The following GAK variants were observed in gnomAD, a reference collection of about 807,000 sequenced individuals.
GAK encodes cyclin-G-associated kinase.
In GAK, 79 loss-of-function variants were observed where a neutral mutation model predicts 143.9. That is an observed-to-expected ratio of 0.55 (90% CI 0.46 to 0.66). The LOEUF is 0.66. Ranked by LOEUF, GAK falls within the 30% of genes least tolerant of loss-of-function variation. GAK has a pLI of 0.00. For synonymous variants in GAK, 881 were observed against 765.5 expected (o/e 1.15, Z -2.49); for missense variants, 1,693 against 1,779.7 (o/e 0.95, Z 0.88).
In GAK at chr4:877,745, G is replaced by A; in HGVS notation, c.1726C>T (p.Leu576=). 5 of 1,613,288 alleles carry A rather than the reference G, an allele frequency of 3.1e-6. No individual in the cohort carries two copies. Among genetic ancestry groups the A allele is most frequent in the Non-Finnish European group, 4.2e-6 (5 of 1,179,842 alleles). ...EPITPHSKPI[L]VRAVVMTPVP... The stretch of plus-strand genomic sequence containing the variant: ...GGTGTCATGACCACGGCCCTCACCA[G>A]GATGGGCTTGCTGTGGGGTGTGATG... The change falls in exon 16 of 28, where the codon CTG becomes TTG. Residue 576 remains leucine, a synonymous_variant. Coordinates refer to ENST00000314167, the MANE Select transcript of GAK (RefSeq NM_005255.4).
chr4:902,498 A>T (rs1720056114), intron 5 of GAK, among the ~76,000 whole-genome samples: 2 of 146,480 alleles, frequency 1.4e-5, no homozygotes, highest in South Asian at 4.5e-4. Context: ...GCTACTCAGG[A>T]GGCTCAGGTG....
chr4:884,940 G>A (rs781187256), intron 11 of GAK, among the ~76,000 whole-genome samples: 12 of 152,318 alleles, frequency 7.9e-5, no homozygotes, highest in Admixed American at 1.3e-4. Flanking sequence ...CCGAACCATC[G>A]CCTGAAAGTG....
chr4:874,295 G>C (rs1007583695), intron 18 of GAK, among the ~76,000 whole-genome samples: 1 of 152,170 alleles, frequency 6.6e-6, no homozygotes, highest in Non-Finnish European at 1.5e-5. Context: ...AGCTGGTGCT[G>C]GTGTCATTTC....
rs1577023708 is a variant in GAK, at chr4:851,882, C to T, written c.3376G>A (p.Ala1126Thr). ...TGAGGGGGCCATGAGGCGCCCTGGG[C>T]TGGCGGCCGACTTGTCTGCCAGGAG... Reference protein sequence around the residue: ...SSSWQTSRPPAQGASWPPQAK... With the variant: ...SSSWQTSRPPTQGASWPPQAK... Residue 1126 changes from alanine (A) to threonine (T), a missense_variant, in exon 25 of 28, where the codon GCC (alanine) becomes ACC (threonine). Physicochemically the swap from Ala to Thr is moderately conservative, Grantham distance 58. Coordinates refer to ENST00000314167, the MANE Select transcript of GAK (RefSeq NM_005255.4). 6.2e-7 allele frequency: 1 copy of T among 1,610,630 alleles called. No homozygotes were observed. Among genetic ancestry groups the T allele is most frequent in the Non-Finnish European group, 8.5e-7 (1 of 1,177,840 alleles).
chr4:878,547 G>T (rs1385142373), intron 15 of GAK, among the ~76,000 whole-genome samples: 1 of 152,232 alleles, frequency 6.6e-6, no homozygotes, highest in African/African-American at 2.4e-5. Context: ...CTCTACAGCT[G>T]TGTCAGCCTT....
At chr4:865,382 C>T in intron 22 of GAK, 138 bp from the exon 23 acceptor site, 1 of 1,037,514 alleles carries the variant, frequency 9.6e-7, no homozygotes, top group South Asian at 1.4e-5. Flanking sequence ...GGCTGACGGC[C>T]TCTCTCTTCC....
intron 18 of GAK, among the ~76,000 whole-genome samples, chr4:873,512 A>G (rs535596955): frequency 7.9e-5 from 12 of 151,524 alleles, no homozygotes; most frequent in Middle Eastern, 3.4e-3. Flanking sequence ...AAAAAAAACT[A>G]TATCCTGTTC....
intron 10 of GAK, 123 bp from the exon 11 acceptor site, chr4:889,093 T>C: frequency 1.6e-6 from 2 of 1,256,124 alleles, no homozygotes; most frequent in South Asian, 3.1e-5. Flanking sequence ...CGGTCCCACC[T>C]CCCCAGGTGC....
At chr4:876,749 T>C (rs925102869) in intron 17 of GAK, 140 bp from the exon 18 acceptor site, 2 of 720,288 alleles carry the variant, frequency 2.8e-6, no homozygotes, top group Middle Eastern at 2.4e-4. Context: ...TGCCACATGT[T>C]GTGGGGGAAG....
At chr4:882,185 A>G in intron 14 of GAK, 145 bp from the exon 15 acceptor site, 6 of 922,716 alleles carry the variant, frequency 6.5e-6, no homozygotes, top group Non-Finnish European at 9.6e-6. Context: ...AGGGAGCTAC[A>G]TAACGTGCCT....
Position 849,517 on chromosome 4 carries a change from C to T in GAK, c.*156G>A, listed in dbSNP as rs1464996863. ...CAGAGGCTTTGGAATGCTTTCTCTT[C>T]ATGTGCCTGGAACGCTGGGCGGGCG... On this transcript the variant is annotated 3_prime_UTR_variant, in exon 28 of 28. Coordinates refer to ENST00000314167, the MANE Select transcript of GAK (RefSeq NM_005255.4). 1.1e-5 allele frequency: 7 copies of T among 609,188 alleles called. No homozygotes were observed. The highest frequency in any genetic ancestry group is 2.0e-5 in the South Asian group (1 of 50,494). The allele number at this position is 609,188 out of a possible 1,614,324, so 37.7% of individuals were successfully genotyped here.
intron 5 of GAK, among the ~76,000 whole-genome samples, chr4:900,707 G>A (rs1577232582): frequency 6.6e-6 from 1 of 152,190 alleles, no homozygotes; most frequent in East Asian, 1.9e-4. Flanking sequence ...TGGGTTTCTG[G>A]AAACCAGGGG....
rs1266220857 is a variant in GAK, at chr4:867,321, A to G, written c.2507T>C (p.Ile836Thr). Residue 836 changes from isoleucine to threonine, a missense_variant, in exon 21 of 28, where the codon ATC becomes ACC. Physicochemically the swap from Ile to Thr is moderately conservative, Grantham distance 89. Transcript: ENST00000314167. The part of the protein sequence containing the change: ...SEVSDEGGSP[I>T]SSEGQEPRAD... ...CCTGGGTTCCTGGCCCTCGCTGGAGATCGGGGATCCCCCTTCATCTGACAC... is the reference window on the plus strand; with the variant it reads ...CCTGGGTTCCTGGCCCTCGCTGGAGGTCGGGGATCCCCCTTCATCTGACAC... 1.2e-6 allele frequency: 2 copies of G among 1,610,974 alleles called. No individual in the cohort carries two copies. Among genetic ancestry groups the G allele is most frequent in the Non-Finnish European group, 1.7e-6 (2 of 1,178,278 alleles).
chr4:912,151 G>A (rs1560423500), intron 3 of GAK: 2 of 460,154 alleles, frequency 4.3e-6, no homozygotes, highest in Non-Finnish European at 8.7e-6. Flanking sequence ...TCAGGCAGCC[G>A]GCGGGCTCTC....
chr4:851,731 C>G lies in GAK; in HGVS notation c.3508+19G>C. The G allele has an allele frequency of 6.2e-7, 1 of 1,609,764 alleles. No individual in the cohort carries two copies. Among genetic ancestry groups the G allele is most frequent in the South Asian group, 1.1e-5 (1 of 91,014 alleles). ...GAGGTCTCTGCAAACTCCACAGCAACAGAGAGTGGGGGACTCACCAAAGCT... is the reference window on the plus strand; with the variant it reads ...GAGGTCTCTGCAAACTCCACAGCAAGAGAGAGTGGGGGACTCACCAAAGCT... On this transcript the variant is annotated intron_variant, in intron 25 of 27. Transcript: ENST00000314167.
rs534258538 is a variant in GAK, at chr4:893,467, C to T, written c.900G>A (p.Pro300=). Residue 300 remains proline, a synonymous_variant, in exon 9 of 28, where the codon CCG becomes CCA. Transcript: ENST00000314167. ...CCTCGGCGATGGACAGCCGCTCCTC[C>T]GGGTTCACCTGCAGCATGGCGCCTG... ...SLIRAMLQVN[P]EERLSIAEVV... The T allele has an allele frequency of 3.8e-5, 60 of 1,580,328 alleles. No individual in the cohort carries two copies. Among genetic ancestry groups the T allele is most frequent in the South Asian group, 8.0e-5 (7 of 87,534 alleles).
In GAK at chr4:888,889, T is replaced by C. The variant is rs764216082; in HGVS notation, c.1163A>G (p.Asn388Ser). The C allele has an allele frequency of 9.3e-6, 15 of 1,611,254 alleles. No individual in the cohort carries two copies. The highest frequency in any genetic ancestry group is 1.1e-5 in the Non-Finnish European group (13 of 1,179,210). ...LRGGTERLFTNLKDTSSKVIQ... is the reference protein window; with the variant it reads ...LRGGTERLFTSLKDTSSKVIQ... ...GACCTTGGAGGAGGTGTCCTTGAGG[T>C]TGGTGAAGAGCCGCTCTGTCCCACC... is the stretch of plus-strand genomic sequence containing the variant. The change falls in exon 11 of 28, where the codon AAC becomes AGC. Residue 388 changes from asparagine to serine, a missense_variant. By Grantham distance (46) the Asn-to-Ser change is conservative. This residue lies in a region of GAK where 871 missense variants were observed against 991.0 expected (regional missense o/e 0.88). Transcript: ENST00000314167.
intron 22 of GAK, among the ~76,000 whole-genome samples, chr4:865,622 GCAGA>G (rs1483450536): frequency 6.6e-6 from 1 of 152,212 alleles, no homozygotes; most frequent in Non-Finnish European, 1.5e-5. Context: ...GCTGCCTTCG[GCAGA>G]CAGAGGGCCC....
intron 5 of GAK, among the ~76,000 whole-genome samples, chr4:899,410 G>A (rs191313316): frequency 1.9e-3 from 292 of 152,000 alleles, no homozygotes; most frequent in African/African-American, 6.0e-3. Flanking sequence ...GCACACACGC[G>A]GTCAGTACGG....
Sources: gnomAD v4.1 joint callset for allele counts (sites outside exome capture counted in the v4.1 genomes callset) on GRCh38, gnomAD v4.1.1 for gene constraint, gnomAD v4.1.1 regional missense constraint, MANE v1.5 for transcripts, NCBI Gene and HGNC (gene_info 2026-07-23, HGNC 2026-07-21) for gene names.